Variants in SCP2 observed in about 807,000 individuals in gnomAD.
SCP2 encodes the protein sterol carrier protein 2.
SCP2 carries 48 observed loss-of-function variants against 71.4 expected under a neutral mutation model. The observed-to-expected ratio is 0.67, with a 90% CI of 0.53 to 0.86. SCP2 has a LOEUF of 0.86. SCP2 is among the 40% of genes least tolerant of loss of function. The pLI is 0.00. For synonymous variants in SCP2, 220 were observed against 218.1 expected, an observed-to-expected ratio of 1.01 and a Z score of -0.08; for missense variants, 560 against 655.6, an observed-to-expected ratio of 0.85 and a Z score of 1.59.
At chr1:52,941,369 T>C (rs963075770) in intron 1 of SCP2, among the ~76,000 whole-genome samples, 1 of 152,344 alleles carries the variant, frequency 6.6e-6, no homozygotes, top group South Asian at 2.1e-4. Flanking sequence ...TATTATTTAT[T>C]ATTAGAGTCT....
At chr1:52,960,549 CAT>C (rs1656279379) in intron 5 of SCP2, among the ~76,000 whole-genome samples, 1 of 104,622 alleles carries the variant, frequency 9.6e-6, no homozygotes, top group African/African-American at 3.5e-5. Context: ...TATGTATATA[CAT>C]GTGTATATAT....
intron 11 of SCP2, among the ~76,000 whole-genome samples, chr1:52,991,383 CT>C (rs1306456654): frequency 6.6e-6 from 1 of 151,076 alleles, no homozygotes; most frequent in Non-Finnish European, 1.5e-5. Context: ...TAATAAACCT[CT>C]TGTTTTTTTT....
intron 13 of SCP2, among the ~76,000 whole-genome samples, chr1:53,038,421 T>G (rs989647497): frequency 6.6e-6 from 1 of 152,096 alleles, no homozygotes; most frequent in Admixed American, 6.5e-5. Flanking sequence ...TTGTTCTTTT[T>G]TGAGACAAGG....
intron 2 of SCP2, among the ~76,000 whole-genome samples, chr1:52,942,551 C>G (rs891830045): frequency 6.6e-6 from 1 of 151,804 alleles, no homozygotes; most frequent in Non-Finnish European, 1.5e-5. Context: ...TCTTCTCCCC[C>G]ACCTCTCTTT....
intron 4 of SCP2, among the ~76,000 whole-genome samples, chr1:52,952,625 G>T (rs950569607): frequency 6.6e-6 from 1 of 151,946 alleles, no homozygotes. Context: ...TGCCATAATG[G>T]GCATGGTGTC....
intron 12 of SCP2, among the ~76,000 whole-genome samples, chr1:53,015,770 C>G (rs911500713): frequency 1.3e-5 from 2 of 152,132 alleles, no homozygotes; most frequent in Non-Finnish European, 2.9e-5. Flanking sequence ...TCATGATGAG[C>G]CTTTTATGTT....
At chr1:52,978,688 A>C (rs1179412986) in intron 9 of SCP2, among the ~76,000 whole-genome samples, 1 of 151,908 alleles carries the variant, frequency 6.6e-6, no homozygotes, top group Non-Finnish European at 1.5e-5. Context: ...TCAGCCTCCC[A>C]AGTGGCTGGG....
Position 53,028,095 on chromosome 1 carries a change from CA to C in SCP2, c.1338+25del, listed in dbSNP as rs757431981. The stretch of plus-strand genomic sequence containing the variant: ...AGGTAAGATTTATGTAAAATATTGC[CA>C]GGAAGGACCTTGAGGCTAGAGGAAG... On this transcript the variant is annotated intron_variant, in intron 13 of 15. Transcript: ENST00000371514. 109 of 1,323,296 alleles carry C rather than the reference CA, an allele frequency of 8.2e-5. 1 individual carries two copies. The highest frequency in any genetic ancestry group is 9.8e-6 in the Non-Finnish European group (9 of 917,390). 82.0% of individuals were successfully genotyped at this position (1,323,296 alleles called of 1,614,324 possible).
intron 11 of SCP2, chr1:52,993,153 T>C: frequency 1.9e-6 from 3 of 1,589,950 alleles, no homozygotes; most frequent in Non-Finnish European, 2.6e-6. Context: ...GAAGAGAAGA[T>C]GAGGGCTTTT....
chr1:52,936,884 G>A (rs531980100), intron 1 of SCP2, among the ~76,000 whole-genome samples: 1 of 152,078 alleles, frequency 6.6e-6, no homozygotes, highest in South Asian at 2.1e-4. Context: ...TCTTGACCTG[G>A]GTGATGGTAG....
chr1:53,014,201 G>A (rs1193032585), intron 11 of SCP2, among the ~76,000 whole-genome samples: 3 of 151,644 alleles, frequency 2.0e-5, no homozygotes, highest in Admixed American at 2.0e-4. Context: ...CACCGCGCCC[G>A]GCCCTGATAG....
rs1391557772 is a variant in SCP2, at chr1:53,050,875, AGCCTGATGGTATACT to A, written c.*172_*186del. Reference sequence around the variant, plus strand: ...TTTTTCCTATGCTCTGGGTGAATAGAGCCTGATGGTATACTACTGCTTTGCGGAATTGCATACAAC... The same window carrying A: ...TTTTTCCTATGCTCTGGGTGAATAGAACTGCTTTGCGGAATTGCATACAAC... On this transcript the variant is annotated 3_prime_UTR_variant, in exon 16 of 16. Transcript: ENST00000371514. The A allele has an allele frequency of 1.7e-5, 10 of 590,836 alleles. No individual in the cohort carries two copies. Among genetic ancestry groups the A allele is most frequent in the Non-Finnish European group, 3.0e-5 (10 of 328,528 alleles). 36.6% of individuals were successfully genotyped at this position (590,836 alleles called of 1,614,324 possible).
intron 5 of SCP2, among the ~76,000 whole-genome samples, chr1:52,958,187 C>A (rs555004604): frequency 1.3e-5 from 2 of 149,506 alleles, no homozygotes; most frequent in South Asian, 4.2e-4. Context: ...TTAGGTAACT[C>A]TTAAAATTGA....
chr1:53,013,882 CTTTTTTTTTTTTTTTTTT>C (rs71044449), intron 11 of SCP2, among the ~76,000 whole-genome samples: 9 of 63,056 alleles, frequency 1.4e-4, no homozygotes, highest in South Asian at 6.4e-4. Context: ...ATAGAACATT[CTTTTTTTTTTTTTTTTTT>C]TTTTTTTTTT....
intron 2 of SCP2, among the ~76,000 whole-genome samples, chr1:52,942,583 A>G (rs1315632331): frequency 6.6e-6 from 1 of 151,832 alleles, no homozygotes; most frequent in African/African-American, 2.4e-5. Flanking sequence ...GGGGACAAGT[A>G]TGAAAGCTTC....
At chr1:52,949,474 C>T (rs992405120) in intron 3 of SCP2, among the ~76,000 whole-genome samples, 11 of 152,180 alleles carry the variant, frequency 7.2e-5, no homozygotes, top group South Asian at 2.1e-4. Context: ...AGGGTACACT[C>T]GCCAGCAGTT....
chr1:53,032,932 G>A (rs1250026883), intron 13 of SCP2, among the ~76,000 whole-genome samples: 1 of 152,052 alleles, frequency 6.6e-6, no homozygotes, highest in Admixed American at 6.5e-5. Context: ...AAAACTTGAA[G>A]GGCCCTCAAA....
At chr1:53,038,196 G>A (rs1207479394) in intron 13 of SCP2, among the ~76,000 whole-genome samples, 3 of 147,718 alleles carry the variant, frequency 2.0e-5, no homozygotes, top group Admixed American at 7.0e-5. Flanking sequence ...ATTTATATGT[G>A]TTTATATATA....
intron 13 of SCP2, among the ~76,000 whole-genome samples, chr1:53,031,669 A>AT (rs929145376): frequency 6.6e-6 from 1 of 152,104 alleles, no homozygotes; most frequent in African/African-American, 2.4e-5. Context: ...ACTGTATTTT[A>AT]TTTTCCCTTT....
Sources: allele counts gnomAD v4.1 joint callset (sites outside exome capture counted in the v4.1 genomes callset), GRCh38; gene constraint gnomAD v4.1.1; transcripts MANE v1.5; gene names NCBI Gene and HGNC (gene_info 2026-07-23, HGNC 2026-07-21).